The following OPCML variants were observed in gnomAD, a reference collection of about 807,000 sequenced individuals.
The protein encoded by OPCML is opioid binding protein/cell adhesion molecule like.
A neutral mutation model predicts 37.8 loss-of-function variants in OPCML; 13 were observed. The observed-to-expected ratio is 0.34, with a 90% confidence interval of 0.22 to 0.55. The LOEUF is 0.55. Among genes scored for constraint, OPCML ranks in the 20% least tolerant of loss-of-function variants. The probability of loss-of-function intolerance (pLI) is 0.91; values close to 1 mark genes in which losing one functional copy is unlikely to be tolerated. For missense variants in OPCML, 341 were observed against 435.6 expected (o/e 0.78, Z 1.93); for synonymous variants, 176 against 168.8 (o/e 1.04, Z -0.33).
At chr11:133,458,567 A>G (rs1409678231) in intron 1 of OPCML, among the ~76,000 whole-genome samples, 1 of 113,730 alleles carries the variant, frequency 8.8e-6, no homozygotes, top group Non-Finnish European at 1.6e-5. Context: ...GTATACACAT[A>G]TATACACGTG....
At chr11:133,405,769 T>A (rs1302832548) in intron 1 of OPCML, among the ~76,000 whole-genome samples, 4 of 152,156 alleles carry the variant, frequency 2.6e-5, no homozygotes, top group Non-Finnish European at 2.9e-5. Context: ...ATTATGCCCA[T>A]CCCTGAAGCA....
In OPCML at chr11:132,606,531, G is replaced by A. The variant is rs576250158; in HGVS notation, c.379+50556C>T. 2.2e-4 allele frequency among the ~76,000 whole-genome samples: 34 copies of A among 152,244 alleles called. No individual in the cohort carries two copies. In the East Asian group the frequency reaches 5.1e-3, roughly 23 times the overall value. On this transcript the variant is annotated intron_variant, in intron 3 of 7. Transcript: ENST00000524381. ...ACACAGTCAGAGGGCTTTCCAGGAA[G>A]AGCTGACCCAGGAGGGCTGCCACCA...
intron 3 of OPCML, among the ~76,000 whole-genome samples, chr11:132,532,363 T>C (rs571392213): frequency 3.9e-5 from 6 of 152,274 alleles, no homozygotes; most frequent in South Asian, 4.1e-4. Context: ...AGAGGATGAA[T>C]TGGCAGAAAG....
intron 3 of OPCML, among the ~76,000 whole-genome samples, chr11:132,538,479 T>C (rs2096346748): frequency 6.6e-6 from 1 of 152,186 alleles, no homozygotes; most frequent in Admixed American, 6.5e-5. Flanking sequence ...TAGAATTAGA[T>C]AGTGGTGACT....
At chr11:133,434,305 C>T (rs937357256) in intron 1 of OPCML, among the ~76,000 whole-genome samples, 1 of 152,164 alleles carries the variant, frequency 6.6e-6, no homozygotes, top group Non-Finnish European at 1.5e-5. Context: ...CCTCAAAGTC[C>T]GGAAAAGTGC....
intron 2 of OPCML, among the ~76,000 whole-genome samples, chr11:132,792,199 C>A (rs959602334): frequency 3.9e-5 from 6 of 151,992 alleles, no homozygotes; most frequent in Non-Finnish European, 8.8e-5. Flanking sequence ...TATTAAAATG[C>A]AGGGCATTGT....
chr11:133,475,230 TTG>T (rs1491030668), intron 1 of OPCML, among the ~76,000 whole-genome samples: 13 of 138,632 alleles, frequency 9.4e-5, no homozygotes, highest in Admixed American at 4.7e-4. Flanking sequence ...TGTTGTTTTT[TTG>T]TTGTTGTTGT....
intron 3 of OPCML, among the ~76,000 whole-genome samples, chr11:132,593,041 T>A (rs369559798): frequency 4.9e-4 from 75 of 152,018 alleles, no homozygotes; most frequent in African/African-American, 1.6e-3. Flanking sequence ...TGACAATAAT[T>A]TTAGACAGTG....
At chr11:133,195,589 T>G (rs186470466) in intron 1 of OPCML, among the ~76,000 whole-genome samples, 2 of 152,314 alleles carry the variant, frequency 1.3e-5, no homozygotes, top group East Asian at 1.9e-4. Flanking sequence ...TCATAAAACA[T>G]CTCCATGGTA....
At chr11:132,513,614 C>A (rs1263145152) in intron 4 of OPCML, among the ~76,000 whole-genome samples, 1 of 152,106 alleles carries the variant, frequency 6.6e-6, no homozygotes, top group Non-Finnish European at 1.5e-5. Context: ...CATGTCTCTT[C>A]TCTTATCTCC....
At chr11:132,622,410 C>CA (rs1409211681) in intron 3 of OPCML, among the ~76,000 whole-genome samples, 1 of 151,270 alleles carries the variant, frequency 6.6e-6, no homozygotes, top group Admixed American at 6.6e-5. Context: ...GCCAAGAGCA[C>CA]AAAAAAAGGA....
chr11:132,842,025 C>G (rs1449127171), intron 2 of OPCML, among the ~76,000 whole-genome samples: 34 of 152,038 alleles, frequency 2.2e-4, no homozygotes, highest in Admixed American at 1.7e-3. Flanking sequence ...GTGACAGGCT[C>G]TCAGTAACAC....
chr11:133,496,111 C>T (rs1947780919), intron 1 of OPCML, among the ~76,000 whole-genome samples: 1 of 152,138 alleles, frequency 6.6e-6, no homozygotes, highest in Non-Finnish European at 1.5e-5. Context: ...TTTCATTCTC[C>T]TACATGTGGC....
intron 2 of OPCML, among the ~76,000 whole-genome samples, chr11:132,779,187 C>G (rs775007898): frequency 6.6e-6 from 1 of 152,000 alleles, no homozygotes. Context: ...AGGCTGGCCT[C>G]GAACTCCTGA....
At chr11:133,225,049 T>C (rs185837444) in intron 1 of OPCML, among the ~76,000 whole-genome samples, 30 of 152,318 alleles carry the variant, frequency 2.0e-4, no homozygotes, top group African/African-American at 7.0e-4. Flanking sequence ...CATGAAGTAC[T>C]TGGGGGACAT....
chr11:132,802,177 A>G (rs1938695181), intron 2 of OPCML, among the ~76,000 whole-genome samples: 1 of 152,150 alleles, frequency 6.6e-6, no homozygotes, highest in South Asian at 2.1e-4. Context: ...CTTCATTAGC[A>G]CAAACCGTCA....
chr11:133,247,778 T>A (rs1020353064), intron 1 of OPCML, among the ~76,000 whole-genome samples: 2 of 152,000 alleles, frequency 1.3e-5, no homozygotes, highest in African/African-American at 4.8e-5. Flanking sequence ...AATTTTTGTA[T>A]TTTTAGTAGA....
chr11:132,802,472 C>T (rs1463641153), intron 2 of OPCML, among the ~76,000 whole-genome samples: 1 of 152,186 alleles, frequency 6.6e-6, no homozygotes, highest in Non-Finnish European at 1.5e-5. Flanking sequence ...TGGTTCAAGA[C>T]ATGAATGGAG....
At chr11:133,503,066 G>A (rs185247955) in intron 1 of OPCML, among the ~76,000 whole-genome samples, 5 of 152,310 alleles carry the variant, frequency 3.3e-5, no homozygotes, top group Non-Finnish European at 5.9e-5. Flanking sequence ...GGACACAGGG[G>A]ATTTGAGGGC....
Sources: gnomAD v4.1 joint callset for allele counts (sites outside exome capture counted in the v4.1 genomes callset) on GRCh38, gnomAD v4.1.1 for gene constraint, MANE v1.5 for transcripts, NCBI Gene and HGNC (gene_info 2026-07-23, HGNC 2026-07-21) for gene names.